The following SEMA6D variants were observed in gnomAD, a reference collection of about 807,000 sequenced individuals.
SEMA6D encodes semaphorin-6D.
A neutral mutation model predicts 106.6 loss-of-function variants in SEMA6D; 35 were observed. That is an observed-to-expected ratio of 0.33 (90% CI 0.25 to 0.44). SEMA6D has a LOEUF of 0.44. Among genes scored for constraint, SEMA6D ranks in the 20% least tolerant of loss-of-function variants. SEMA6D has a pLI of 1.00. For missense variants in SEMA6D, 1,185 were observed against 1,345.9 expected (o/e 0.88, Z 1.87); for synonymous variants, 499 against 487.7 (o/e 1.02, Z -0.31).
intron 1 of SEMA6D, among the ~76,000 whole-genome samples, chr15:47,231,110 T>C (rs1444402515): frequency 6.6e-6 from 1 of 151,980 alleles, no homozygotes; most frequent in African/African-American, 2.4e-5. Flanking sequence ...TCCTCCTCTT[T>C]GCCTTCCTTG....
chr15:47,661,795 A>C (rs78181695), intron 4 of SEMA6D, among the ~76,000 whole-genome samples: 1 of 152,182 alleles, frequency 6.6e-6, no homozygotes, highest in African/African-American at 2.4e-5. Context: ...ATTAGAACCC[A>C]TGTCTCTAAA....
chr15:47,731,835 C>G (rs138800067), intron 1 of SEMA6D, among the ~76,000 whole-genome samples: 1 of 152,076 alleles, frequency 6.6e-6, no homozygotes, highest in Non-Finnish European at 1.5e-5. Flanking sequence ...CATATGTCCA[C>G]GCTATACATA....
intron 4 of SEMA6D, among the ~76,000 whole-genome samples, chr15:47,634,100 G>A (rs938291518): frequency 6.6e-6 from 1 of 151,952 alleles, no homozygotes; most frequent in Non-Finnish European, 1.5e-5. Context: ...AAATAATGCC[G>A]ACATATGATT....
chr15:47,462,895 C>T (rs992110158), intron 2 of SEMA6D, among the ~76,000 whole-genome samples: 17 of 152,178 alleles, frequency 1.1e-4, no homozygotes, highest in African/African-American at 4.1e-4. Flanking sequence ...TCTGTTTGTC[C>T]TAGTCTGGCT....
chr15:47,576,511 G>A (rs376730805), intron 3 of SEMA6D, among the ~76,000 whole-genome samples: 1 of 152,152 alleles, frequency 6.6e-6, no homozygotes, highest in African/African-American at 2.4e-5. Context: ...CATGGCCCCA[G>A]GTAAGGAATG....
intron 3 of SEMA6D, among the ~76,000 whole-genome samples, chr15:47,515,784 G>C (rs932461513): frequency 2.0e-5 from 3 of 152,192 alleles, no homozygotes; most frequent in Admixed American, 6.5e-5. Flanking sequence ...AAAGGCATGA[G>C]CTCTGCATGG....
intron 8 of SEMA6D, 51 bp downstream of exon 8, chr15:47,762,370 A>G: frequency 6.2e-7 from 1 of 1,600,456 alleles, no homozygotes; most frequent in Non-Finnish European, 8.5e-7. Flanking sequence ...GGATGGCCCA[A>G]GTGGGGACAG....
chr15:47,360,755 C>G (rs538524742), intron 1 of SEMA6D, among the ~76,000 whole-genome samples: 2 of 152,142 alleles, frequency 1.3e-5, no homozygotes, highest in Admixed American at 6.5e-5. Context: ...ATTAAATATC[C>G]CTAATCATAT....
At chr15:47,449,739 A>G (rs1567087454) in intron 2 of SEMA6D, among the ~76,000 whole-genome samples, 1 of 152,102 alleles carries the variant, frequency 6.6e-6, no homozygotes, top group African/African-American at 2.4e-5. Context: ...ATCCTGGTCT[A>G]TCAGTAAAAT....
chr15:47,188,908 G>A (rs949155403), intron 1 of SEMA6D, among the ~76,000 whole-genome samples: 1 of 152,130 alleles, frequency 6.6e-6, no homozygotes, highest in Non-Finnish European at 1.5e-5. Flanking sequence ...TAAGGAATTA[G>A]CTCAAAGTAA....
At chr15:47,282,968 T>C (rs1197996421) in intron 1 of SEMA6D, among the ~76,000 whole-genome samples, 1 of 152,158 alleles carries the variant, frequency 6.6e-6, no homozygotes, top group African/African-American at 2.4e-5. Context: ...CTCCTTCATG[T>C]CCTCACTCTC....
intron 4 of SEMA6D, among the ~76,000 whole-genome samples, chr15:47,642,796 G>A (rs77064225): frequency 0.027 from 4,055 of 152,236 alleles, 192 homozygotes; most frequent in African/African-American, 0.092. Context: ...TTGGGATGAT[G>A]TATGGTTTTA....
At chr15:47,376,541 TA>T (rs1454738805) in intron 1 of SEMA6D, among the ~76,000 whole-genome samples, 5 of 152,230 alleles carry the variant, frequency 3.3e-5, no homozygotes, top group African/African-American at 1.2e-4. Context: ...TAGTGTCGCC[TA>T]AAATTGCTAC....
chr15:47,533,122 A>T (rs2045031940), intron 3 of SEMA6D, among the ~76,000 whole-genome samples: 1 of 152,188 alleles, frequency 6.6e-6, no homozygotes, highest in Non-Finnish European at 1.5e-5. Flanking sequence ...AAAATAGAGA[A>T]GTCTTTGGTG....
At chr15:47,224,353 G>A (rs914885203) in intron 1 of SEMA6D, among the ~76,000 whole-genome samples, 1 of 151,874 alleles carries the variant, frequency 6.6e-6, no homozygotes, top group African/African-American at 2.4e-5. Flanking sequence ...TCTGTGCTAT[G>A]GACGTAATCA....
intron 3 of SEMA6D, among the ~76,000 whole-genome samples, chr15:47,543,309 G>C (rs1356926527): frequency 1.3e-5 from 2 of 152,098 alleles, no homozygotes; most frequent in Non-Finnish European, 2.9e-5. Flanking sequence ...GGTGGGGCCA[G>C]GTGAAGATAA....
intron 2 of SEMA6D, among the ~76,000 whole-genome samples, chr15:47,452,156 A>G (rs541711937): frequency 6.6e-6 from 1 of 152,002 alleles, no homozygotes; most frequent in Non-Finnish European, 1.5e-5. Flanking sequence ...TGAGTTCTTC[A>G]TAGCAGCAAG....
At chr15:47,196,675 A>G (rs1894382647) in intron 1 of SEMA6D, among the ~76,000 whole-genome samples, 1 of 152,202 alleles carries the variant, frequency 6.6e-6, no homozygotes, top group South Asian at 2.1e-4. Context: ...GCTATGTAAA[A>G]TGTCTTAATT....
At chr15:47,625,635 T>C (rs1380742738) in intron 4 of SEMA6D, among the ~76,000 whole-genome samples, 1 of 151,780 alleles carries the variant, frequency 6.6e-6, no homozygotes, top group Non-Finnish European at 1.5e-5. Flanking sequence ...CTTGGGAGGC[T>C]GAGGTGAGAG....
Sources: gnomAD v4.1 joint callset for allele counts (sites outside exome capture counted in the v4.1 genomes callset) on GRCh38, gnomAD v4.1.1 for gene constraint, MANE v1.5 for transcripts, NCBI Gene and HGNC (gene_info 2026-07-23, HGNC 2026-07-21) for gene names.